ACTR2: variants seen among roughly 807,000 people sequenced by gnomAD.
The protein encoded by ACTR2 is actin-related protein 2.
Under a neutral mutation model 50.2 loss-of-function variants are expected in ACTR2, and 5 were observed. The ratio of observed to expected loss-of-function variants is 0.10; its 90% CI spans 0.05 to 0.21. The LOEUF (loss-of-function observed/expected upper bound fraction) is 0.21, where lower values mean the gene tolerates loss of function less well. Among genes scored for constraint, ACTR2 ranks in the 10% least tolerant of loss-of-function variants. The probability of loss-of-function intolerance (pLI) is 1.00; values close to 1 mark genes in which losing one functional copy is unlikely to be tolerated. For missense variants in ACTR2, 180 were observed against 480.6 expected (o/e 0.37, Z 5.85); for synonymous variants, 140 against 162.9 (o/e 0.86, Z 1.07).
At chr2:65,267,346 C>T (rs1672392787) in intron 8 of ACTR2, among the ~76,000 whole-genome samples, 1 of 152,086 alleles carries the variant, frequency 6.6e-6, no homozygotes, top group Admixed American at 6.5e-5. Context: ...TTGCTGACCC[C>T]TATGTAAGAG....
At chr2:65,242,093 G>C in intron 2 of ACTR2, 1 of 1,540,306 alleles carries the variant, frequency 6.5e-7, no homozygotes, top group Non-Finnish European at 9.0e-7. Flanking sequence ...TGCTCTGTTT[G>C]TTTTCCACTT....
chr2:65,238,736 G>A (rs1328692771), intron 1 of ACTR2, among the ~76,000 whole-genome samples: 1 of 151,854 alleles, frequency 6.6e-6, no homozygotes, highest in Non-Finnish European at 1.5e-5. Flanking sequence ...GGGAGGCCGA[G>A]GTGGGCAGAG....
At chr2:65,228,130 C>T in intron 1 of ACTR2, 173 bp downstream of exon 1, 3 of 516,242 alleles carry the variant, frequency 5.8e-6, no homozygotes, top group South Asian at 4.4e-5. Context: ...TCCCTGGTCT[C>T]CCTTGAGCCT....
chr2:65,253,590 C>A, intron 4 of ACTR2, 138 bp from the exon 5 acceptor site: 1 of 852,050 alleles, frequency 1.2e-6, no homozygotes, highest in Non-Finnish European at 1.8e-6. Context: ...TAGAAACAAA[C>A]TGCAAAATAA....
chr2:65,242,575 A>C, intron 2 of ACTR2: 1 of 456,400 alleles, frequency 2.2e-6, no homozygotes, highest in Non-Finnish European at 4.3e-6. Context: ...TAGATAGAAA[A>C]AGAGAATTCT....
chr2:65,231,067 C>G, intron 1 of ACTR2, among the ~76,000 whole-genome samples: 1 of 150,226 alleles, frequency 6.7e-6, no homozygotes, highest in African/African-American at 2.5e-5. Flanking sequence ...AAAAAAAAAG[C>G]TGATTGTAGT....
At position 65,253,809 on chromosome 2, in the gene ACTR2, A is replaced by G. The variant is rs1374837949; in HGVS notation, c.530A>G (p.His177Arg). 1 of 1,613,438 alleles carries G rather than the reference A, an allele frequency of 6.2e-7. No individual in the cohort carries two copies. Among genetic ancestry groups the G allele is most frequent in the Non-Finnish European group, 8.5e-7 (1 of 1,179,442 alleles). ...GTATATGAAGGCTTTTCTCTCCCTC[A>G]TCTTACCAGGAGACTGGATATTGCT... ...CPVYEGFSLPHLTRRLDIAGR... is the reference protein window; with the variant it reads ...CPVYEGFSLPRLTRRLDIAGR... Residue 177 changes from histidine to arginine, a missense_variant, in exon 5 of 9, where the codon CAT (histidine) becomes CGT (arginine). Physicochemically the swap from His to Arg is conservative, Grantham distance 29. Coordinates refer to ENST00000260641, the MANE Select transcript of ACTR2 (RefSeq NM_005722.4).
chr2:65,235,212 T>A (rs1280352627), intron 1 of ACTR2, among the ~76,000 whole-genome samples: 1 of 151,972 alleles, frequency 6.6e-6, no homozygotes. Context: ...TGTGTTATGT[T>A]TTAGTTTGAA....
intron 3 of ACTR2, among the ~76,000 whole-genome samples, chr2:65,247,587 C>CA (rs1009451053): frequency 2.5e-4 from 38 of 149,052 alleles, no homozygotes; most frequent in Non-Finnish European, 3.6e-4. Flanking sequence ...GACTCCGTCT[C>CA]AAAAAAAAAT....
chr2:65,253,626 T>C, intron 4 of ACTR2, 102 bp from the exon 5 acceptor site: 1 of 1,147,910 alleles, frequency 8.7e-7, no homozygotes, highest in Non-Finnish European at 1.3e-6. Context: ...TGGCTTCTAG[T>C]TGGTTACGTT....
intron 6 of ACTR2, among the ~76,000 whole-genome samples, chr2:65,258,172 T>A (rs1174599146): frequency 6.6e-6 from 1 of 152,220 alleles, no homozygotes; most frequent in Non-Finnish European, 1.5e-5. Flanking sequence ...CTGACTATTT[T>A]GGAAGAAAGT....
At chr2:65,232,634 C>G (rs1671660961) in intron 1 of ACTR2, among the ~76,000 whole-genome samples, 1 of 151,654 alleles carries the variant, frequency 6.6e-6, no homozygotes, top group South Asian at 2.1e-4. Flanking sequence ...CCAAATGGGG[C>G]TTTATAAATC....
chr2:65,251,592 C>G (rs1024157366), intron 4 of ACTR2, among the ~76,000 whole-genome samples: 3 of 152,000 alleles, frequency 2.0e-5, no homozygotes, highest in Non-Finnish European at 4.4e-5. Flanking sequence ...AACTCCTGAC[C>G]TCAGGTAGTC....
chr2:65,241,640 C>T (rs550386421), intron 2 of ACTR2, among the ~76,000 whole-genome samples: 16 of 152,192 alleles, frequency 1.1e-4, no homozygotes, highest in Admixed American at 3.9e-4. Context: ...GAAAAACAAC[C>T]CTGAGCTATC....
At chr2:65,252,161 A>G (rs1376175585) in intron 4 of ACTR2, among the ~76,000 whole-genome samples, 3 of 152,116 alleles carry the variant, frequency 2.0e-5, no homozygotes, top group African/African-American at 7.2e-5. Flanking sequence ...GGGAAATAAA[A>G]TGTAAATTCT....
intron 2 of ACTR2, among the ~76,000 whole-genome samples, chr2:65,244,793 C>G (rs1425454040): frequency 6.6e-6 from 1 of 151,738 alleles, no homozygotes; most frequent in Non-Finnish European, 1.5e-5. Context: ...ACTAAAAATA[C>G]AAGAATTAGC....
chr2:65,249,787 A>G (rs1227437101), intron 3 of ACTR2, among the ~76,000 whole-genome samples: 1 of 151,808 alleles, frequency 6.6e-6, no homozygotes, highest in Non-Finnish European at 1.5e-5. Context: ...AAAGGAAAGA[A>G]CTCCTCCTTC....
intron 2 of ACTR2, chr2:65,241,882 G>T: frequency 1.5e-6 from 1 of 647,658 alleles, no homozygotes; most frequent in East Asian, 2.7e-5. Flanking sequence ...ATGTTAATTT[G>T]GCCCTAATTA....
intron 2 of ACTR2, among the ~76,000 whole-genome samples, chr2:65,244,281 C>A (rs1244154167): frequency 6.6e-6 from 1 of 152,030 alleles, no homozygotes; most frequent in Admixed American, 6.6e-5. Flanking sequence ...ATTATATTAT[C>A]TAATTATCTA....
Sources: allele counts gnomAD v4.1 joint callset (sites outside exome capture counted in the v4.1 genomes callset), GRCh38; gene constraint gnomAD v4.1.1; transcripts MANE v1.5; gene names NCBI Gene and HGNC (gene_info 2026-07-23, HGNC 2026-07-21).